The following MIS18A variants were observed in gnomAD, a reference collection of about 807,000 sequenced individuals.
MIS18A encodes protein Mis18-alpha.
Under a neutral mutation model 25.0 loss-of-function variants are expected in MIS18A, and 14 were observed. That is an observed-to-expected ratio of 0.56 (90% CI 0.37 to 0.88). The LOEUF is 0.88. Ranked by LOEUF, MIS18A falls within the 40% of genes least tolerant of loss-of-function variation. MIS18A has a pLI of 0.00. For missense variants in MIS18A, 292 were observed against 290.8 expected (o/e 1.00, Z -0.03); for synonymous variants, 134 against 118.6 (o/e 1.13, Z -0.84).
chr21:32,165,658 CA>C, the MIS18A span, among the ~76,000 whole-genome samples: 1 of 151,328 alleles, frequency 6.6e-6, no homozygotes, highest in African/African-American at 2.4e-5. Context: ...AAAAAAACCC[CA>C]AAACCATGGG....
chr21:32,169,061 C>A, the MIS18A span, among the ~76,000 whole-genome samples: 6 of 152,078 alleles, frequency 3.9e-5, no homozygotes, highest in Non-Finnish European at 7.4e-5. Flanking sequence ...CAAAGGCTAA[C>A]CAATATGAGG....
the MIS18A span, among the ~76,000 whole-genome samples, chr21:32,203,188 A>G: frequency 2.6e-5 from 4 of 152,058 alleles, no homozygotes; most frequent in African/African-American, 9.6e-5. Flanking sequence ...AAGAGAAAAA[A>G]AAAATGAGGA....
the MIS18A span, among the ~76,000 whole-genome samples, chr21:32,182,063 T>A: frequency 1.3e-5 from 2 of 152,252 alleles, no homozygotes; most frequent in Admixed American, 6.5e-5. Flanking sequence ...TAAATATTAG[T>A]TGTTATTCTT....
At chr21:32,159,480 G>C in the MIS18A span, among the ~76,000 whole-genome samples, 1 of 152,004 alleles carries the variant, frequency 6.6e-6, no homozygotes, top group South Asian at 2.1e-4. Flanking sequence ...ATTTTGTCTT[G>C]GTCTGTGTTT....
chr21:32,266,723 G>A (rs967229682), downstream of MIS18A, among the ~76,000 whole-genome samples: 1 of 151,694 alleles, frequency 6.6e-6, no homozygotes, highest in Non-Finnish European at 1.5e-5. Context: ...GACTCCAGAC[G>A]CGCCACCTTA....
chr21:32,160,743 T>C, the MIS18A span, among the ~76,000 whole-genome samples: 1 of 152,048 alleles, frequency 6.6e-6, no homozygotes, highest in Non-Finnish European at 1.5e-5. Flanking sequence ...GAGATTCTCT[T>C]GCCTCAGCCT....
chr21:32,186,222 T>C, the MIS18A span, among the ~76,000 whole-genome samples: 28,127 of 152,202 alleles, frequency 0.18, 2,938 homozygotes, highest in East Asian at 0.35. Context: ...GAAATGATCA[T>C]AACGACTTGA....
the MIS18A span, among the ~76,000 whole-genome samples, chr21:32,223,903 A>C: frequency 6.6e-6 from 1 of 152,262 alleles, no homozygotes; most frequent in Non-Finnish European, 1.5e-5. Flanking sequence ...AACCAAATCC[A>C]GTAGTATATT....
chr21:32,239,919 G>A, the MIS18A span, among the ~76,000 whole-genome samples: 1 of 152,184 alleles, frequency 6.6e-6, no homozygotes, highest in Non-Finnish European at 1.5e-5. Context: ...TGACTGAAAG[G>A]GGCTGCTGGG....
chr21:32,174,205 C>G, the MIS18A span, among the ~76,000 whole-genome samples: 5 of 151,796 alleles, frequency 3.3e-5, no homozygotes, highest in African/African-American at 1.2e-4. Flanking sequence ...CCTCATGATC[C>G]GCCCGCCTCA....
At chr21:32,263,755 A>G (rs1187311971), downstream of MIS18A, among the ~76,000 whole-genome samples, 1 of 152,048 alleles carries the variant, frequency 6.6e-6, no homozygotes, top group African/African-American at 2.4e-5. Context: ...AAACAGTATA[A>G]AAGGAATACA....
At chr21:32,172,118 A>G in the MIS18A span, among the ~76,000 whole-genome samples, 4 of 152,076 alleles carry the variant, frequency 2.6e-5, no homozygotes, top group Non-Finnish European at 5.9e-5. Flanking sequence ...TAGGATGGCT[A>G]TTATCAAAAA....
At chr21:32,171,572 G>A in the MIS18A span, among the ~76,000 whole-genome samples, 2 of 151,906 alleles carry the variant, frequency 1.3e-5, no homozygotes, top group Non-Finnish European at 2.9e-5. Context: ...ACACAACTAG[G>A]CTATATGGTA....
At chr21:32,235,370 CT>C in the MIS18A span, among the ~76,000 whole-genome samples, 1 of 152,172 alleles carries the variant, frequency 6.6e-6, no homozygotes, top group African/African-American at 2.4e-5. Context: ...TGAAATTGGG[CT>C]GCAGCTGAGA....
chr21:32,219,464 C>T, the MIS18A span, among the ~76,000 whole-genome samples: 1 of 152,320 alleles, frequency 6.6e-6, no homozygotes, highest in African/African-American at 2.4e-5. Flanking sequence ...ATGCTTTTCC[C>T]ACGGTCTTCA....
the MIS18A span, among the ~76,000 whole-genome samples, chr21:32,222,951 A>AAAG: frequency 2.8e-5 from 4 of 144,734 alleles, no homozygotes; most frequent in East Asian, 2.0e-4. Context: ...AAAAAAAAAA[A>AAAG]AAAGAAAGAA....
the MIS18A span, among the ~76,000 whole-genome samples, chr21:32,249,406 C>T: frequency 6.6e-6 from 1 of 152,276 alleles, no homozygotes; most frequent in East Asian, 1.9e-4. Context: ...GAGCATGCCG[C>T]GCAGGCACTC....
chr21:32,208,984 C>A, the MIS18A span, among the ~76,000 whole-genome samples: 1 of 152,220 alleles, frequency 6.6e-6, no homozygotes, highest in Non-Finnish European at 1.5e-5. Flanking sequence ...CAAACTCTCT[C>A]CTGAGATCAA....
chr21:32,180,139 T>A, the MIS18A span, among the ~76,000 whole-genome samples: 90,280 of 152,024 alleles, frequency 0.59, 27,611 homozygotes, highest in African/African-American at 0.74. Context: ...GGGGGAATTA[T>A]TGAGACATGT....
Sources: gnomAD v4.1 joint callset for allele counts (sites outside exome capture counted in the v4.1 genomes callset) on GRCh38, gnomAD v4.1.1 for gene constraint, MANE v1.5 for transcripts, NCBI Gene and HGNC (gene_info 2026-07-23, HGNC 2026-07-21) for gene names.